The following ASS1 variants were observed in gnomAD, a reference collection of about 807,000 sequenced individuals.
The protein encoded by ASS1 is argininosuccinate synthase 1, also known as argininosuccinate synthase.
ASS1 carries 58 observed loss-of-function variants against 60.5 expected under a neutral mutation model. The observed-to-expected ratio is 0.96, with a 90% CI of 0.78 to 1.19. The LOEUF is 1.19. ASS1 is among the 50% of genes most tolerant of loss of function. The pLI is 0.00. For synonymous variants in ASS1, 200 were observed against 206.9 expected, an observed-to-expected ratio of 0.97 and a Z score of 0.29; for missense variants, 454 against 547.3, an observed-to-expected ratio of 0.83 and a Z score of 1.70.
chr9:130,476,921 C>T lies in ASS1; in HGVS notation c.648C>T (p.Ala216=), dbSNP rs1846035687. The T allele has an allele frequency of 6.2e-7, 1 of 1,614,112 alleles. No individual in the cohort carries two copies. Among genetic ancestry groups the T allele is most frequent in the African/African-American group, 1.3e-5 (1 of 75,030 alleles). The change falls in exon 9 of 15, where the codon GCC becomes GCT. Residue 216 remains alanine, a synonymous_variant. Transcript: ENST00000352480. This position sits in a 1 kb window ranked among gnomAD's most constrained non-coding sequence, Gnocchi z 4.9. ...CGAAGACCCAGGACCCAGCCAAAGCCCCCAACACCCCTGACATTCTCGAGA... is the reference window on the plus strand; with the variant it reads ...CGAAGACCCAGGACCCAGCCAAAGCTCCCAACACCCCTGACATTCTCGAGA... The part of the protein sequence containing the change: ...LYTKTQDPAK[A]PNTPDILEIE...
At chr9:130,485,086 C>T (rs1846276343) in intron 11 of ASS1, among the ~76,000 whole-genome samples, 1 of 152,126 alleles carries the variant, frequency 6.6e-6, no homozygotes, top group Non-Finnish European at 1.5e-5. Context: ...TGGCACTGGC[C>T]TCATTTTCCT....
At chr9:130,472,662 T>C (rs1845898531) in intron 8 of ASS1, among the ~76,000 whole-genome samples, 1 of 152,198 alleles carries the variant, frequency 6.6e-6, no homozygotes, top group African/African-American at 2.4e-5. Context: ...TGGGGGCTGA[T>C]GGCCCCTGTG....
At chr9:130,499,973 A>G (rs1208120011) in intron 14 of ASS1, among the ~76,000 whole-genome samples, 1 of 152,226 alleles carries the variant, frequency 6.6e-6, no homozygotes, top group African/African-American at 2.4e-5. Context: ...GCTGGAAGCC[A>G]TCCTAGCCAC....
At chr9:130,450,157 C>A in intron 1 of ASS1, 1 of 556,700 alleles carries the variant, frequency 1.8e-6, no homozygotes, top group Non-Finnish European at 2.3e-6. Flanking sequence ...GGCTCCTGGA[C>A]CTCCTCTGCT....
Position 130,476,668 on chromosome 9 carries a change from A to T in ASS1, c.598-203A>T. On this transcript the variant is annotated intron_variant, in intron 8 of 14. Transcript: ENST00000352480. The surrounding 1 kb of genome is among the most constrained non-coding windows in gnomAD (Gnocchi z 4.9). ...TCAAGTTGAGGGGAAAAATTGTCTGATTTCTCCAGCCCTTTGTTTCCCAGG... is the reference window on the plus strand; with the variant it reads ...TCAAGTTGAGGGGAAAAATTGTCTGTTTTCTCCAGCCCTTTGTTTCCCAGG... 1 of 618,286 alleles carries T rather than the reference A, an allele frequency of 1.6e-6. No individual in the cohort carries two copies. The highest frequency in any genetic ancestry group is 2.9e-6 in the Non-Finnish European group (1 of 346,288). 38.3% of individuals were successfully genotyped at this position (618,286 alleles called of 1,614,324 possible).
intron 4 of ASS1, among the ~76,000 whole-genome samples, chr9:130,461,500 C>CT (rs1845593647): frequency 6.6e-6 from 1 of 152,190 alleles, no homozygotes; most frequent in Non-Finnish European, 1.5e-5. Flanking sequence ...CCGCTCGGGA[C>CT]TTGGGGGCGT....
Position 130,494,143 on chromosome 9 carries a change from C to G in ASS1, c.971-724C>G, listed in dbSNP as rs140853313. 9.2e-5 allele frequency among the ~76,000 whole-genome samples: 14 copies of G among 152,292 alleles called. 1 individual carries two copies. The highest frequency in any genetic ancestry group is 3.4e-4 in the African/African-American group (14 of 41,558). ...GTCTATGAGGATTCAGGGAGCTAGC[C>G]CAGATCAAAGCCTGAGCGCAGTGCT... On this transcript the variant is annotated intron_variant, in intron 12 of 14. Coordinates refer to ENST00000352480, the MANE Select transcript of ASS1 (RefSeq NM_054012.4). This position sits in a 1 kb window ranked among gnomAD's most constrained non-coding sequence, Gnocchi z 4.3.
chr9:130,458,184 T>C (rs1219134355), intron 3 of ASS1, among the ~76,000 whole-genome samples: 1 of 150,916 alleles, frequency 6.6e-6, no homozygotes, highest in Non-Finnish European at 1.5e-5. Flanking sequence ...AAGAGAGCTA[T>C]TGATTAGCAA....
chr9:130,453,144 C>T (rs184047989), intron 2 of ASS1, among the ~76,000 whole-genome samples: 1 of 152,214 alleles, frequency 6.6e-6, no homozygotes, highest in African/African-American at 2.4e-5. Context: ...TCATAGCCCA[C>T]CTTTCCCAAA....
At chr9:130,479,357 G>T (rs1383413685) in intron 9 of ASS1, among the ~76,000 whole-genome samples, 1 of 152,130 alleles carries the variant, frequency 6.6e-6, no homozygotes, top group African/African-American at 2.4e-5. Flanking sequence ...GGCGGCCCCC[G>T]GGTGACTGGT....
intron 14 of ASS1, 151 bp from the exon 15 acceptor site, chr9:130,500,824 AG>A (rs1792391725): frequency 1.1e-5 from 8 of 715,384 alleles, no homozygotes; most frequent in Middle Eastern, 2.3e-4. Context: ...AGGAGGGGCC[AG>A]GGCGGGAGAG....
chr9:130,466,683 C>G lies in ASS1; in HGVS notation c.421-42C>G, dbSNP rs771157877. ...CAGCTTACAGGCCAGGGGAAGCCCA[C>G]AGCTCGGCCCTCCCGGCTCTGACCC... On this transcript the variant is annotated intron_variant, in intron 5 of 14. Transcript: ENST00000352480. The G allele has an allele frequency of 2.5e-6, 4 of 1,591,910 alleles. No individual in the cohort carries two copies. In the African/African-American group the frequency reaches 5.4e-5, roughly 21 times the overall value.
At chr9:130,500,002 G>A (rs1427327582) in intron 14 of ASS1, among the ~76,000 whole-genome samples, 1 of 152,212 alleles carries the variant, frequency 6.6e-6, no homozygotes, top group Non-Finnish European at 1.5e-5. Flanking sequence ...CCATGGCCCA[G>A]GAGGGTGGTG....
At position 130,476,539 on chromosome 9, in the gene ASS1, G is replaced by C. The variant is rs987627138; in HGVS notation, c.598-332G>C. 8 of 463,036 alleles carry C rather than the reference G, an allele frequency of 1.7e-5. No homozygotes were observed. The highest frequency in any genetic ancestry group is 9.8e-5 in the African/African-American group (5 of 50,904). 28.7% of individuals were successfully genotyped at this position (463,036 alleles called of 1,614,324 possible). The stretch of plus-strand genomic sequence containing the variant: ...TGCGTGCCGCTCCTGGGAAGCCCTC[G>C]GAACGCCGCCTTGCTCCTCCAAAGT... On this transcript the variant is annotated intron_variant, in intron 8 of 14. Coordinates refer to ENST00000352480, the MANE Select transcript of ASS1 (RefSeq NM_054012.4). This position sits in a 1 kb window ranked among gnomAD's most constrained non-coding sequence, Gnocchi z 4.9.
At chr9:130,484,302 G>C (rs1445750938) in intron 11 of ASS1, among the ~76,000 whole-genome samples, 3 of 152,102 alleles carry the variant, frequency 2.0e-5, no homozygotes, top group Non-Finnish European at 4.4e-5. Flanking sequence ...CTGCAAAATT[G>C]CTCATTCTGC....
At position 130,471,486 on chromosome 9, in the gene ASS1, T is replaced by A. The variant is rs752862441; in HGVS notation, c.568T>A (p.Tyr190Asn). ...SMDENLMHISYEAGILENPKN... is the reference protein window; with the variant it reads ...SMDENLMHISNEAGILENPKN... Reference sequence around the variant, plus strand: ...CTGTCTTTCCTTTCCCCTCCGCAGCTACGAGGCTGGAATCCTGGAGAACCC... The same window carrying A: ...CTGTCTTTCCTTTCCCCTCCGCAGCAACGAGGCTGGAATCCTGGAGAACCC... Residue 190 changes from tyrosine to asparagine, a missense_variant and splice_region_variant, in exon 8 of 15, where the codon TAC becomes AAC. Coordinates refer to ENST00000352480, the MANE Select transcript of ASS1 (RefSeq NM_054012.4). The A allele has an allele frequency of 6.2e-7, 1 of 1,613,996 alleles. No individual in the cohort carries two copies. Among genetic ancestry groups the A allele is most frequent in the Non-Finnish European group, 8.5e-7 (1 of 1,179,988 alleles).
rs150012724 is a variant in ASS1 at position 130,445,512 on chromosome 9, A to G, written c.-6+517A>G. On this transcript the variant is annotated intron_variant, in intron 1 of 14. Transcript: ENST00000352480. ...ATCGCTTTCCCCGCAGCCTCAGTTT[A>G]CCCTGGACAGATGGGCATGGTGGCC... 2.9e-4 allele frequency among the ~76,000 whole-genome samples: 44 copies of G among 151,616 alleles called. No individual in the cohort carries two copies. The East Asian group carries it at 8.6e-3, about 30-fold the overall frequency.
intron 5 of ASS1, among the ~76,000 whole-genome samples, chr9:130,464,448 A>G (rs1203011387): frequency 6.6e-6 from 1 of 152,180 alleles, no homozygotes; most frequent in Non-Finnish European, 1.5e-5. Context: ...CATCCCTGGC[A>G]TCCCAGGTGT....
chr9:130,492,467 C>G (rs1288090081), intron 12 of ASS1, among the ~76,000 whole-genome samples: 2 of 152,204 alleles, frequency 1.3e-5, no homozygotes, highest in Non-Finnish European at 2.9e-5. Flanking sequence ...ACCACTGCCA[C>G]TCTGCATCTG....
Sources: allele counts gnomAD v4.1 joint callset (sites outside exome capture counted in the v4.1 genomes callset), GRCh38; gene constraint gnomAD v4.1.1; non-coding constraint Gnocchi (gnomAD v3.1); transcripts MANE v1.5; gene names NCBI Gene and HGNC (gene_info 2026-07-23, HGNC 2026-07-21).